Variants in UGT1A8 observed in about 807,000 individuals in gnomAD.
UGT1A8 encodes UDP-glucuronosyltransferase 1A8.
A neutral mutation model predicts 45.3 loss-of-function variants in UGT1A8; 39 were observed. That is an observed-to-expected ratio of 0.86 (90% CI 0.67 to 1.12). The LOEUF is 1.12. Among genes scored for constraint, UGT1A8 ranks in the 50% most tolerant of loss-of-function variants. The pLI is 0.00. For missense variants in UGT1A8, 719 were observed against 664.9 expected (o/e 1.08, Z -0.90); for synonymous variants, 275 against 249.2 (o/e 1.10, Z -0.97).
chr2:233,666,974 T>C (rs1419137401), intron 1 of UGT1A8, among the ~76,000 whole-genome samples: 1 of 152,210 alleles, frequency 6.6e-6, no homozygotes, highest in African/African-American at 2.4e-5. Context: ...ACAATGGACA[T>C]GAACTCATCA....
At chr2:233,646,847 C>T (rs568060410) in intron 1 of UGT1A8, among the ~76,000 whole-genome samples, 3 of 152,318 alleles carry the variant, frequency 2.0e-5, no homozygotes, top group African/African-American at 7.2e-5. Context: ...TTCTAAAGTC[C>T]CTTCCACGTT....
intron 1 of UGT1A8, among the ~76,000 whole-genome samples, chr2:233,699,110 A>C (rs1295776189): frequency 1.3e-5 from 2 of 152,202 alleles, no homozygotes; most frequent in East Asian, 1.9e-4. Flanking sequence ...CACCTGCCCC[A>C]AAACAGTTCT....
chr2:233,743,642 C>T (rs756255073), intron 1 of UGT1A8: 3 of 1,367,306 alleles, frequency 2.2e-6, no homozygotes, highest in South Asian at 1.1e-5. Flanking sequence ...GTCGCGGAAG[C>T]TGAAGACGTA....
intron 1 of UGT1A8, among the ~76,000 whole-genome samples, chr2:233,641,638 G>A (rs931540313): frequency 6.6e-6 from 1 of 152,088 alleles, no homozygotes; most frequent in African/African-American, 2.4e-5. Context: ...TTGCTCATGA[G>A]CTTCCTTTTC....
At chr2:233,717,871 G>C (rs2076612840) in intron 1 of UGT1A8, 1 of 454,894 alleles carries the variant, frequency 2.2e-6, no homozygotes. Context: ...GATTGACTTG[G>C]AGAAAAGCCT....
chr2:233,734,202 G>T (rs1345683418), intron 1 of UGT1A8, among the ~76,000 whole-genome samples: 1 of 152,060 alleles, frequency 6.6e-6, no homozygotes, highest in Non-Finnish European at 1.5e-5. Context: ...CAATTTCAGA[G>T]CCTGTTGTTG....
chr2:233,672,688 T>C (rs779786786), intron 1 of UGT1A8: 16 of 1,613,944 alleles, frequency 9.9e-6, no homozygotes, highest in Non-Finnish European at 1.4e-5. Flanking sequence ...ATCAATTTGG[T>C]TGTTGCGAAC....
Position 233,681,886 on chromosome 2 carries a change from A to G in UGT1A8, c.855+63324A>G, listed in dbSNP as rs542729995. ...TCTATCTGTACTTCTTCCACTTACT[A>G]TATTATAGGAGCTTAGAATCCCAGC... is the stretch of plus-strand genomic sequence containing the variant. On this transcript the variant is annotated intron_variant, in intron 1 of 4. Transcript: ENST00000373450. 3.2e-5 allele frequency: 51 copies of G among 1,576,500 alleles called. 1 individual carries two copies. The South Asian group carries it at 5.6e-4, about 17-fold the overall frequency.
chr2:233,625,506 G>A (rs1037678028), intron 1 of UGT1A8, among the ~76,000 whole-genome samples: 7 of 152,180 alleles, frequency 4.6e-5, no homozygotes, highest in Admixed American at 2.0e-4. Flanking sequence ...GTTCATTGCA[G>A]CTCTATTCAG....
Position 233,629,586 on chromosome 2 carries a change from A to C in UGT1A8, c.855+11024A>C, listed in dbSNP as rs28948385. Among the ~76,000 whole-genome samples, 3 of 152,052 alleles carry C rather than the reference A, an allele frequency of 2.0e-5. No homozygotes were observed. The South Asian group carries it at 6.2e-4, about 32-fold the overall frequency. On this transcript the variant is annotated intron_variant, in intron 1 of 4. Transcript: ENST00000373450. ...GCTCATGAGGGTCTGTAATTTTCCT[A>C]TCTTTTAATGTCTTTTTCTGGTTTT... is the stretch of plus-strand genomic sequence containing the variant.
At chr2:233,668,775 A>G (rs1400222174) in intron 1 of UGT1A8, among the ~76,000 whole-genome samples, 1 of 152,176 alleles carries the variant, frequency 6.6e-6, no homozygotes, top group Admixed American at 6.5e-5. Flanking sequence ...ACCAAAGTCT[A>G]TGTTTTCTTT....
intron 3 of UGT1A8, 44 bp from the exon 4 acceptor site, chr2:233,768,176 C>A: frequency 6.2e-7 from 1 of 1,613,910 alleles, no homozygotes; most frequent in South Asian, 1.1e-5. Context: ...AGCTGTGAAA[C>A]TCAGAGATGT....
chr2:233,717,663 C>T (rs953921301), intron 1 of UGT1A8: 3 of 412,194 alleles, frequency 7.3e-6, no homozygotes, highest in Non-Finnish European at 1.5e-5. Context: ...GAAGCATCAG[C>T]AATCTTGCGA....
At chr2:233,750,355 T>C (rs1376976328) in intron 1 of UGT1A8, among the ~76,000 whole-genome samples, 7 of 151,880 alleles carry the variant, frequency 4.6e-5, no homozygotes, top group African/African-American at 1.5e-4. Context: ...TTGGAACTTA[T>C]GTTTAAAAGG....
In UGT1A8 at chr2:233,618,274, T is replaced by C. The variant is rs754879277; in HGVS notation, c.567T>C (p.Tyr189=). Residue 189 remains tyrosine, a synonymous_variant, in exon 1 of 5, where the codon TAT becomes TAC. Transcript: ENST00000373450. ...EGAQCPAPLS[Y]VPRILLGFSD... is the part of the protein sequence containing the mutation. ...CACAGTGCCCTGCTCCTCTTTCCTA[T>C]GTCCCCAGAATTCTCTTAGGGTTCT... The C allele has an allele frequency of 1.2e-6, 2 of 1,613,930 alleles. No individual in the cohort carries two copies. Among genetic ancestry groups the C allele is most frequent in the Admixed American group, 3.3e-5 (2 of 60,008 alleles).
intron 1 of UGT1A8, among the ~76,000 whole-genome samples, chr2:233,726,698 T>C (rs1479327471): frequency 6.6e-6 from 1 of 152,232 alleles, no homozygotes; most frequent in Non-Finnish European, 1.5e-5. Context: ...ACGGAACATA[T>C]TCCCAGGTTT....
intron 1 of UGT1A8, among the ~76,000 whole-genome samples, chr2:233,631,962 T>A (rs2073194592): frequency 6.6e-6 from 1 of 152,206 alleles, no homozygotes; most frequent in African/African-American, 2.4e-5. Context: ...GTTTTCATGG[T>A]TTTAGGTCTT....
At chr2:233,695,725 A>T (rs148542326) in intron 1 of UGT1A8, among the ~76,000 whole-genome samples, 100 of 152,204 alleles carry the variant, frequency 6.6e-4, no homozygotes, top group African/African-American at 2.2e-3. Flanking sequence ...TTCCAGTTAC[A>T]TTTATGTTGC....
At chr2:233,692,066 G>GGA (rs570948190) in intron 1 of UGT1A8, 1 of 152,176 alleles carries the variant, frequency 6.6e-6, no homozygotes, top group Admixed American at 6.5e-5. Flanking sequence ...AGGGAAGAAA[G>GGA]GAGAGAGAGA....
Sources: allele counts gnomAD v4.1 joint callset (sites outside exome capture counted in the v4.1 genomes callset), GRCh38; gene constraint gnomAD v4.1.1; transcripts MANE v1.5; gene names NCBI Gene and HGNC (gene_info 2026-07-23, HGNC 2026-07-21).